The following NCAM1 variants were observed in gnomAD, a reference collection of about 807,000 sequenced individuals.
NCAM1 encodes antigen recognized by monoclonal antibody 5.1H11.
NCAM1 carries 14 observed loss-of-function variants against 109.8 expected under a neutral mutation model. The ratio of observed to expected loss-of-function variants is 0.13; its 90% confidence interval spans 0.08 to 0.20. The LOEUF (loss-of-function observed/expected upper bound fraction) is 0.20. Among genes scored for constraint, NCAM1 ranks in the 10% least tolerant of loss-of-function variants. The probability of loss-of-function intolerance (pLI) is 1.00; values close to 1 mark genes in which losing one functional copy is unlikely to be tolerated. For synonymous variants in NCAM1, 418 were observed against 442.9 expected, an observed-to-expected ratio of 0.94 and a Z score of 0.70; for missense variants, 774 against 1,109.9, an observed-to-expected ratio of 0.70 and a Z score of 4.30.
At chr11:112,995,630 C>T (rs1385622448) in intron 1 of NCAM1, among the ~76,000 whole-genome samples, 3 of 152,136 alleles carry the variant, frequency 2.0e-5, no homozygotes, top group African/African-American at 7.2e-5. Context: ...TATTCTTGTA[C>T]TTTAAATGGA....
intron 1 of NCAM1, among the ~76,000 whole-genome samples, chr11:113,192,203 T>C (rs1943699117): frequency 6.6e-6 from 1 of 152,178 alleles, no homozygotes; most frequent in Non-Finnish European, 1.5e-5. Context: ...AAAGAAAACA[T>C]CGTCTGGAGC....
chr11:113,140,975 G>A (rs891547523), intron 1 of NCAM1, among the ~76,000 whole-genome samples: 1 of 151,988 alleles, frequency 6.6e-6, no homozygotes, highest in Non-Finnish European at 1.5e-5. Flanking sequence ...CATAGTGCTC[G>A]TACTAGGAAT....
rs1479362377 is a variant in NCAM1, at chr11:113,277,899, A to G, written c.*2512A>G. On this transcript the variant is annotated 3_prime_UTR_variant, in exon 20 of 20. Coordinates refer to ENST00000316851, the MANE Select transcript of NCAM1 (RefSeq NM_181351.5). ...AAAGCAATGCTTTCTCTAAAATCAA[A>G]GAGGGAGTCATTTTATTCCAAGATG... The G allele has an allele frequency of 6.6e-6, 1 of 151,848 alleles. No homozygotes were observed. Among genetic ancestry groups the G allele is most frequent in the Non-Finnish European group, 1.5e-5 (1 of 68,452 alleles). The allele number at this position is 151,848 out of a possible 1,614,324, so 9.4% of individuals were successfully genotyped here.
chr11:113,240,716 AT>A (rs528161365), intron 14 of NCAM1: 623 of 1,436,660 alleles, frequency 4.3e-4, no homozygotes, highest in Non-Finnish European at 5.5e-4. Flanking sequence ...TGTTGCTTCC[AT>A]TTTTTTTTCA....
intron 1 of NCAM1, among the ~76,000 whole-genome samples, chr11:113,109,480 T>C (rs1555093229): frequency 6.6e-6 from 1 of 152,162 alleles, no homozygotes; most frequent in African/African-American, 2.4e-5. Flanking sequence ...CAAAAATTGA[T>C]GATTGTATTA....
chr11:113,186,872 G>T (rs1371029153), intron 1 of NCAM1, among the ~76,000 whole-genome samples: 3 of 152,238 alleles, frequency 2.0e-5, no homozygotes, highest in Non-Finnish European at 2.9e-5. Flanking sequence ...TTTCTGGAAG[G>T]CTGTGAGAAG....
intron 1 of NCAM1, among the ~76,000 whole-genome samples, chr11:113,043,328 T>TTTTATTTA (rs565233000): frequency 6.6e-6 from 1 of 152,024 alleles, no homozygotes; most frequent in Admixed American, 6.6e-5. Context: ...AATCCTACCT[T>TTTTATTTA]TTTATTTATT....
Position 113,275,446 on chromosome 11 carries a change from G to C in NCAM1, c.*59G>C, listed in dbSNP as rs1946383530. On this transcript the variant is annotated 3_prime_UTR_variant, in exon 20 of 20. Transcript: ENST00000316851. The stretch of plus-strand genomic sequence containing the variant: ...AAAGTGACACAGCAGCTTCACCAGA[G>C]CATTTCCAACACCACAGACACACAC... 8.9e-6 allele frequency: 14 copies of C among 1,573,096 alleles called. No individual in the cohort carries two copies. In the South Asian group the frequency reaches 1.6e-4, roughly 18 times the overall value.
intron 1 of NCAM1, among the ~76,000 whole-genome samples, chr11:113,131,528 G>A (rs1217107156): frequency 6.6e-6 from 1 of 152,240 alleles, no homozygotes; most frequent in East Asian, 1.9e-4. Flanking sequence ...AAACCTGGCA[G>A]TGCGCCACCC....
intron 1 of NCAM1, among the ~76,000 whole-genome samples, chr11:113,062,083 G>A (rs142258263): frequency 5.6e-4 from 86 of 152,306 alleles, no homozygotes; most frequent in Non-Finnish European, 9.0e-4. Flanking sequence ...ATGCATGCAC[G>A]TAGAAACTGA....
At chr11:113,009,331 T>TTTTTTG (rs1951980184) in intron 1 of NCAM1, among the ~76,000 whole-genome samples, 1 of 136,614 alleles carries the variant, frequency 7.3e-6, no homozygotes, top group African/African-American at 2.7e-5. Flanking sequence ...TTTTTTTTTT[T>TTTTTTG]TTTTTTTTTT....
intron 1 of NCAM1, among the ~76,000 whole-genome samples, chr11:113,198,065 C>T (rs1943910358): frequency 1.3e-5 from 2 of 152,164 alleles, no homozygotes; most frequent in African/African-American, 2.4e-5. Context: ...AAACACATTT[C>T]AAAATCTATC....
intron 17 of NCAM1, chr11:113,263,704 C>T (rs966064678): frequency 2.9e-4 from 282 of 985,424 alleles, no homozygotes; most frequent in Non-Finnish European, 3.2e-4. Flanking sequence ...GGCAGCATGT[C>T]GCAGATCAGC....
At chr11:113,051,295 A>C (rs1420752022) in intron 1 of NCAM1, among the ~76,000 whole-genome samples, 1 of 152,242 alleles carries the variant, frequency 6.6e-6, no homozygotes, top group Non-Finnish European at 1.5e-5. Flanking sequence ...ATAGTGACTT[A>C]AATTCTTTCC....
At chr11:113,143,057 T>A (rs1047461312) in intron 1 of NCAM1, among the ~76,000 whole-genome samples, 1 of 152,142 alleles carries the variant, frequency 6.6e-6, no homozygotes, top group Non-Finnish European at 1.5e-5. Flanking sequence ...AATAAGGATA[T>A]AATCTCTAAA....
intron 8 of NCAM1, among the ~76,000 whole-genome samples, chr11:113,218,251 A>T (rs1263132856): frequency 6.6e-6 from 1 of 152,164 alleles, no homozygotes; most frequent in Non-Finnish European, 1.5e-5. Context: ...GTTGACTAGA[A>T]CAAGGTCAAG....
intron 1 of NCAM1, among the ~76,000 whole-genome samples, chr11:113,195,352 A>G (rs1301559592): frequency 6.6e-6 from 1 of 152,122 alleles, no homozygotes; most frequent in Non-Finnish European, 1.5e-5. Flanking sequence ...ATTTCTTGCA[A>G]CAATATCAAC....
chr11:113,109,703 C>T (rs1555093261), intron 1 of NCAM1, among the ~76,000 whole-genome samples: 1 of 152,100 alleles, frequency 6.6e-6, no homozygotes, highest in Non-Finnish European at 1.5e-5. Context: ...ATTACTGTTT[C>T]TAGTGCAGGG....
chr11:113,143,158 A>G (rs1306212955), intron 1 of NCAM1, among the ~76,000 whole-genome samples: 3 of 152,092 alleles, frequency 2.0e-5, no homozygotes, highest in Non-Finnish European at 4.4e-5. Context: ...ACCCAGTGCA[A>G]TTATCCCTCC....
Sources: allele counts gnomAD v4.1 joint callset (sites outside exome capture counted in the v4.1 genomes callset), GRCh38; gene constraint gnomAD v4.1.1; transcripts MANE v1.5; gene names NCBI Gene and HGNC (gene_info 2026-07-23, HGNC 2026-07-21).